WWOX: variants seen among roughly 807,000 people sequenced by gnomAD.
WWOX encodes the protein WW domain containing oxidoreductase.
WWOX carries 69 observed loss-of-function variants against 46.2 expected under a neutral mutation model. That is an observed-to-expected ratio of 1.49 (90% CI 1.23 to 1.82). The LOEUF is 1.82. Among genes scored for constraint, WWOX ranks in the 40% most tolerant of loss-of-function variants. The pLI is 0.00. For missense variants in WWOX, 919 were observed against 542.6 expected, an observed-to-expected ratio of 1.69 and a Z score of -6.89; for synonymous variants, 359 against 202.6, an observed-to-expected ratio of 1.77 and a Z score of -6.56.
At chr16:78,389,402 G>T (rs774063937) in intron 6 of WWOX, among the ~76,000 whole-genome samples, 2 of 152,168 alleles carry the variant, frequency 1.3e-5, no homozygotes, top group Non-Finnish European at 2.9e-5. Flanking sequence ...CACACAAGCT[G>T]TCACCTCAGT....
chr16:78,820,826 C>G (rs1293965107), intron 8 of WWOX, among the ~76,000 whole-genome samples: 1 of 152,142 alleles, frequency 6.6e-6, no homozygotes, highest in Admixed American at 6.5e-5. Context: ...AGAAACCATG[C>G]CATGCCTGTC....
At chr16:78,585,074 A>C (rs2045162174) in intron 8 of WWOX, among the ~76,000 whole-genome samples, 1 of 152,158 alleles carries the variant, frequency 6.6e-6, no homozygotes, top group Admixed American at 6.5e-5. Context: ...GCAGTTACGG[A>C]TCTTTTACTC....
At chr16:78,428,307 G>C (rs8055854) in intron 7 of WWOX, among the ~76,000 whole-genome samples, 5,302 of 152,292 alleles carry the variant, frequency 0.035, 287 homozygotes, top group African/African-American at 0.12. Flanking sequence ...GGAGCTGAGA[G>C]GTGAACATAG....
chr16:79,105,875 T>C (rs919398317), intron 8 of WWOX: 1 of 152,158 alleles, frequency 6.6e-6, no homozygotes, highest in Non-Finnish European at 1.5e-5. Flanking sequence ...GTTTCACCTT[T>C]TTACACAAGC....
At chr16:78,633,876 G>C (rs1882951) in intron 8 of WWOX, among the ~76,000 whole-genome samples, 1 of 152,066 alleles carries the variant, frequency 6.6e-6, no homozygotes, top group Non-Finnish European at 1.5e-5. Context: ...TACGGGAGCA[G>C]GGGAGGAACC....
chr16:79,154,809 T>G (rs1046920990), intron 8 of WWOX, among the ~76,000 whole-genome samples: 4 of 152,222 alleles, frequency 2.6e-5, no homozygotes, highest in African/African-American at 9.6e-5. Context: ...CCTCTGAGCA[T>G]GAACCATGAA....
At chr16:78,640,481 G>T (rs1176329956) in intron 8 of WWOX, among the ~76,000 whole-genome samples, 1 of 152,006 alleles carries the variant, frequency 6.6e-6, no homozygotes, top group Admixed American at 6.6e-5. Context: ...GATGTGAGCG[G>T]GTTCCTGTAC....
At chr16:78,195,831 A>AAG (rs2036033225) in intron 5 of WWOX, among the ~76,000 whole-genome samples, 1 of 150,546 alleles carries the variant, frequency 6.6e-6, no homozygotes, top group Non-Finnish European at 1.5e-5. Context: ...CAAAAAAAAA[A>AAG]AAAAAAAAAG....
chr16:78,671,905 C>G (rs2047473879), intron 8 of WWOX, among the ~76,000 whole-genome samples: 7 of 152,148 alleles, frequency 4.6e-5, no homozygotes. Flanking sequence ...AGGCACTACT[C>G]ACTTCATTCC....
intron 5 of WWOX, among the ~76,000 whole-genome samples, chr16:78,259,307 G>A (rs1420419501): frequency 1.3e-5 from 2 of 152,138 alleles, no homozygotes; most frequent in Non-Finnish European, 2.9e-5. Context: ...TTAGAAGAGA[G>A]ACTGTATTCC....
At chr16:79,036,588 G>A (rs2151403745) in intron 8 of WWOX, among the ~76,000 whole-genome samples, 1 of 152,324 alleles carries the variant, frequency 6.6e-6, no homozygotes, top group African/African-American at 2.4e-5. Context: ...GAGAAGAGAT[G>A]AATGATCTGT....
At chr16:78,421,831 C>T (rs548062365) in intron 6 of WWOX, among the ~76,000 whole-genome samples, 2 of 152,226 alleles carry the variant, frequency 1.3e-5, no homozygotes, top group African/African-American at 4.8e-5. Flanking sequence ...ATTAACTGTG[C>T]AATTTTTGCT....
At chr16:78,583,428 G>A (rs945339993) in intron 8 of WWOX, among the ~76,000 whole-genome samples, 1 of 152,120 alleles carries the variant, frequency 6.6e-6, no homozygotes. Flanking sequence ...ATCTTCAAAG[G>A]AATTTAGAAT....
rs370200951 is a variant in WWOX at position 79,088,964 on chromosome 16, T to C, written c.1057-122644T>C. 2.0e-5 allele frequency among the ~76,000 whole-genome samples: 3 copies of C among 152,184 alleles called. No individual in the cohort carries two copies. In the East Asian group the frequency reaches 5.8e-4, roughly 29 times the overall value. On this transcript the variant is annotated intron_variant, in intron 8 of 8. Coordinates refer to ENST00000566780, the MANE Select transcript of WWOX (RefSeq NM_016373.4). ...TTTTTTGTCTTAATGTTTAGTGTAA[T>C]GAGGGAGTATAGGATGAACTCAATG...
chr16:78,749,737 G>A (rs189004341), intron 8 of WWOX, among the ~76,000 whole-genome samples: 16 of 152,250 alleles, frequency 1.1e-4, no homozygotes, highest in East Asian at 1.9e-4. Flanking sequence ...GATTGCCTCC[G>A]TTAAAGCCGT....
intron 8 of WWOX, among the ~76,000 whole-genome samples, chr16:78,603,553 G>A (rs1401522910): frequency 6.6e-6 from 1 of 152,058 alleles, no homozygotes; most frequent in African/African-American, 2.4e-5. Context: ...AATTAGCTGG[G>A]CGTGGTGGCA....
At chr16:79,072,378 C>T (rs1054915821) in intron 8 of WWOX, among the ~76,000 whole-genome samples, 2 of 152,168 alleles carry the variant, frequency 1.3e-5, no homozygotes, top group African/African-American at 2.4e-5. Flanking sequence ...GTTGCACTGC[C>T]TCCCATAGGC....
chr16:79,128,114 A>G (rs1286488353), intron 8 of WWOX, among the ~76,000 whole-genome samples: 1 of 152,200 alleles, frequency 6.6e-6, no homozygotes, highest in East Asian at 1.9e-4. Context: ...GTTATTATCC[A>G]GTAAGGACCA....
At chr16:78,898,796 G>T (rs889652528) in intron 8 of WWOX, 2 of 152,042 alleles carry the variant, frequency 1.3e-5, no homozygotes, top group African/African-American at 4.8e-5. Context: ...ACATTTCAGT[G>T]ATATTTGATG....
Sources: allele counts gnomAD v4.1 joint callset (sites outside exome capture counted in the v4.1 genomes callset), GRCh38; gene constraint gnomAD v4.1.1; transcripts MANE v1.5; gene names NCBI Gene and HGNC (gene_info 2026-07-23, HGNC 2026-07-21).